The following MGAM variants were observed in gnomAD, a reference collection of about 807,000 sequenced individuals.
MGAM encodes maltase-glucoamylase.
In MGAM, 253 loss-of-function variants were observed where a neutral mutation model predicts 358.8. That is an observed-to-expected ratio of 0.71 (90% CI 0.64 to 0.78). MGAM has a LOEUF of 0.78. Among genes scored for constraint, MGAM ranks in the 30% least tolerant of loss-of-function variants. The pLI is 0.00. For missense variants in MGAM, 3,080 were observed against 3,432.6 expected (o/e 0.90, Z 2.57); for synonymous variants, 1,105 against 1,227.1 (o/e 0.90, Z 2.08).
intron 68 of MGAM, 73 bp from the exon 69 acceptor site, chr7:142,102,557 C>T (rs999534744): frequency 7.2e-7 from 1 of 1,386,826 alleles, no homozygotes; most frequent in Admixed American, 2.0e-5. Context: ...ATTAGAACAG[C>T]ATTTATATAT....
rs1022986223 is a variant in MGAM at position 142,081,358 on chromosome 7, T to A, written c.6002+413T>A. Among the ~76,000 whole-genome samples the A allele has an allele frequency of 8.2e-5, 12 of 146,044 alleles. 3 individuals carry two copies. The highest frequency in any genetic ancestry group is 1.9e-4 in the Non-Finnish European group (12 of 64,486). On this transcript the variant is annotated intron_variant, in intron 50 of 70. Transcript: ENST00000475668. ...AGGGTTATGGTGTGGTTACTGCTTC[T>A]GATATTGGGGTCAGAGTAGATCTCG...
In MGAM at chr7:142,076,436, T is replaced by C. The variant is rs762892805; in HGVS notation, c.5325+184T>C. Reference sequence around the variant, plus strand: ...GGAGGCATTAATATAGCAAGTAGTGTTTCTAAATATAGTTTTTAATTATCT... The same window carrying C: ...GGAGGCATTAATATAGCAAGTAGTGCTTCTAAATATAGTTTTTAATTATCT... On this transcript the variant is annotated intron_variant, in intron 46 of 70. Coordinates refer to ENST00000475668, the MANE Select transcript of MGAM (RefSeq NM_001365693.1). 8.1e-6 allele frequency: 7 copies of C among 862,068 alleles called. 1 individual carries two copies. The East Asian group carries it at 1.7e-4, about 21-fold the overall frequency. 53.4% of individuals were successfully genotyped at this position (862,068 alleles called of 1,614,324 possible).
At chr7:142,023,812 G>C (rs1554459958) in intron 7 of MGAM, among the ~76,000 whole-genome samples, 1 of 152,190 alleles carries the variant, frequency 6.6e-6, no homozygotes, top group East Asian at 1.9e-4. Context: ...GCTTACCTAG[G>C]AATAGTTGGT....
In MGAM at chr7:142,016,855, G is replaced by A. The variant is rs543037021; in HGVS notation, c.328-2344G>A. Among the ~76,000 whole-genome samples the A allele has an allele frequency of 3.3e-5, 5 of 152,278 alleles. No homozygotes were observed. The East Asian group carries it at 7.7e-4, about 23-fold the overall frequency. ...TGATCTGCCTGCCTCCCAAAGTGCT[G>A]GGATTACAGGCGAGAGCCACTGCAC... On this transcript the variant is annotated intron_variant, in intron 3 of 70. Coordinates refer to ENST00000475668, the MANE Select transcript of MGAM (RefSeq NM_001365693.1).
rs1200335769 is a variant in MGAM at position 142,025,088 on chromosome 7, G to C, written c.921G>C (p.Leu307Phe). Residue 307 changes from leucine (L) to phenylalanine (F), a missense_variant, in exon 8 of 71, where the codon TTG becomes TTC. Leu to Phe is a conservative substitution (Grantham distance 22). Coordinates refer to ENST00000475668, the MANE Select transcript of MGAM (RefSeq NM_001365693.1). ...TGTATGGTGCGCAGACATTCTTCTT[G>C]TGCCTTGAAGATGCTAGTGGATTGT... Reference protein sequence around the residue: ...TNLYGAQTFFLCLEDASGLSF... With the variant: ...TNLYGAQTFFFCLEDASGLSF... The C allele has an allele frequency of 3.1e-6, 5 of 1,613,754 alleles. No individual in the cohort carries two copies. The highest frequency in any genetic ancestry group is 2.5e-6 in the Non-Finnish European group (3 of 1,179,718).
intron 47 of MGAM, among the ~76,000 whole-genome samples, chr7:142,077,677 T>C (rs891549195): frequency 6.9e-6 from 1 of 145,452 alleles, no homozygotes; most frequent in Non-Finnish European, 1.6e-5. Context: ...TTCAAAGAAA[T>C]GAATTAGAAT....
At position 142,055,565 on chromosome 7, in the gene MGAM, T is replaced by C; in HGVS notation, c.3322T>C (p.Ser1108Pro). ...TGCGTTTTTGTGTTTCAGTTGGGAC[T>C]CTCAGCTCCTTGGCTTTACCTTCAG... ...RKSTGTIIWD[S>P]QLLGFTFSDM... is the part of the protein sequence containing the mutation. The change falls in exon 28 of 71, where the codon TCT becomes CCT. Residue 1108 changes from serine to proline, a missense_variant. Physicochemically the swap from Ser to Pro is moderately conservative, Grantham distance 74. This residue lies in a region of MGAM where 1,816 missense variants were observed against 1,840.5 expected (regional missense o/e 0.99). Coordinates refer to ENST00000475668, the MANE Select transcript of MGAM (RefSeq NM_001365693.1). 6.2e-7 allele frequency: 1 copy of C among 1,613,944 alleles called. No individual in the cohort carries two copies. The highest frequency in any genetic ancestry group is 8.5e-7 in the Non-Finnish European group (1 of 1,179,844).
At chr7:142,081,739 G>A (rs1814313447) in intron 50 of MGAM, among the ~76,000 whole-genome samples, 1 of 145,600 alleles carries the variant, frequency 6.9e-6, no homozygotes, top group African/African-American at 2.4e-5. Context: ...GCTGAGGGGT[G>A]CAAGGGTGGA....
In MGAM at chr7:142,036,299, G is replaced by A. The variant is rs1554465818; in HGVS notation, c.2076+14G>A. ...CAAGGCTACAAGGTAAGGCTCCTAG[G>A]ACATAGAGTCAGAATAAATTTGGCA... On this transcript the variant is annotated intron_variant, in intron 17 of 70. Coordinates refer to ENST00000475668, the MANE Select transcript of MGAM (RefSeq NM_001365693.1). The A allele has an allele frequency of 8.3e-6, 13 of 1,570,480 alleles. No individual in the cohort carries two copies. The highest frequency in any genetic ancestry group is 1.0e-5 in the Non-Finnish European group (12 of 1,150,576).
chr7:142,048,292 G>T (rs1424615496), intron 22 of MGAM, among the ~76,000 whole-genome samples: 1 of 151,638 alleles, frequency 6.6e-6, no homozygotes, highest in Non-Finnish European at 1.5e-5. Context: ...AGGACTACAG[G>T]TGCCTACCAC....
intron 43 of MGAM, among the ~76,000 whole-genome samples, chr7:142,070,017 C>A (rs1453974094): frequency 6.9e-6 from 1 of 144,716 alleles, no homozygotes; most frequent in Non-Finnish European, 1.6e-5. Context: ...CACGGTGAAA[C>A]CCCATCTCTA....
rs1325048739 is a variant in MGAM, at chr7:142,032,900, T to G, written c.1660T>G (p.Phe554Val). The change falls in exon 14 of 71, where the codon TTC becomes GTC. Residue 554 changes from phenylalanine to valine, a missense_variant. By Grantham distance (50) the Phe-to-Val change is conservative. Transcript: ENST00000475668. ...CSTNNLNNPPFTPRILDGYLF... is the reference protein window; with the variant it reads ...CSTNNLNNPPVTPRILDGYLF... ...CACAAACAACCTAAATAATCCCCCA[T>G]TCACTCCCAGTAAGTCTTGGTGGTC... 1 of 1,607,360 alleles carries G rather than the reference T, an allele frequency of 6.2e-7. No homozygotes were observed. The highest frequency in any genetic ancestry group is 1.3e-5 in the African/African-American group (1 of 74,612).
chr7:142,020,068 C>CAA (rs10601773), intron 4 of MGAM, among the ~76,000 whole-genome samples: 3 of 136,630 alleles, frequency 2.2e-5, no homozygotes, highest in African/African-American at 8.1e-5. Context: ...GACTCCGTCT[C>CAA]AAAAAAAAAA....
chr7:142,062,503 G>C (rs1812311898), intron 34 of MGAM, 65 bp from the exon 35 acceptor site: 1 of 1,529,420 alleles, frequency 6.5e-7, no homozygotes, highest in Non-Finnish European at 8.8e-7. Flanking sequence ...TGCATTCTCA[G>C]TAAGTGCCTG....
intron 1 of MGAM, among the ~76,000 whole-genome samples, chr7:141,996,574 G>A (rs1295491321): frequency 6.6e-6 from 1 of 152,214 alleles, no homozygotes; most frequent in Middle Eastern, 3.2e-3. Context: ...TTCTGGAAAT[G>A]AAGTGAGAGA....
rs760499057 is a variant in MGAM at position 142,099,636 on chromosome 7, A to T, written c.7773A>T (p.Gly2591=). ...AGGGTGTGGATATTAATGCAAGAGG[A>T]GAGTGGAAGACCTTGCCAGCCCCTC... The part of the protein sequence containing the change: ...YYTGVDINAR[G]EWKTLPAPLD... The change falls in exon 67 of 71, where the codon GGA becomes GGT. Residue 2591 remains glycine, a synonymous_variant. Coordinates refer to ENST00000475668, the MANE Select transcript of MGAM (RefSeq NM_001365693.1). The T allele has an allele frequency of 6.2e-7, 1 of 1,613,926 alleles. No individual in the cohort carries two copies. The highest frequency in any genetic ancestry group is 1.7e-5 in the Admixed American group (1 of 60,016).
rs781905880 is a variant in MGAM at position 142,027,220 on chromosome 7, A to G, written c.1088A>G (p.Tyr363Cys). ...GNTPEQVVQE[Y>C]LELIGRPALP... The stretch of plus-strand genomic sequence containing the variant: ...ACTCCAGAGCAAGTTGTTCAAGAAT[A>G]TCTAGAGGTAAACTTAGGATGTCAA... The change falls in exon 9 of 71, where the codon TAT becomes TGT. Residue 363 changes from tyrosine (Y) to cysteine (C), a missense_variant. Coordinates refer to ENST00000475668, the MANE Select transcript of MGAM (RefSeq NM_001365693.1). 3.7e-6 allele frequency: 6 copies of G among 1,607,086 alleles called. No individual in the cohort carries two copies. The highest frequency in any genetic ancestry group is 5.1e-6 in the Non-Finnish European group (6 of 1,173,724).
At chr7:142,042,008 T>TA (rs1339631826) in intron 21 of MGAM, among the ~76,000 whole-genome samples, 1 of 12,028 alleles carries the variant, frequency 8.3e-5, no homozygotes, top group South Asian at 1.6e-3. Flanking sequence ...ATTATATATA[T>TA]AATATAATAT....
At chr7:142,027,546 G>A in intron 9 of MGAM, 64 bp from the exon 10 acceptor site, 4 of 1,579,988 alleles carry the variant, frequency 2.5e-6, no homozygotes, top group Non-Finnish European at 3.5e-6. Flanking sequence ...TGAAAGCAAT[G>A]CTTCGAAAAA....
Sources: gnomAD v4.1 joint callset for allele counts (sites outside exome capture counted in the v4.1 genomes callset) on GRCh38, gnomAD v4.1.1 for gene constraint, gnomAD v4.1.1 regional missense constraint, MANE v1.5 for transcripts, NCBI Gene and HGNC (gene_info 2026-07-23, HGNC 2026-07-21) for gene names.